The following FAM151B variants were observed in gnomAD, a reference collection of about 807,000 sequenced individuals.
The protein encoded by FAM151B is family with sequence similarity 151 member B.
In FAM151B, 24 loss-of-function variants were observed where a neutral mutation model predicts 31.2. The ratio of observed to expected loss-of-function variants is 0.77; its 90% CI spans 0.56 to 1.08. The LOEUF (loss-of-function observed/expected upper bound fraction) is 1.08, where lower values mean the gene tolerates loss of function less well. FAM151B is among the 50% of genes least tolerant of loss of function. The pLI is 0.00. For synonymous variants in FAM151B, 105 were observed against 111.4 expected (o/e 0.94, Z 0.36); for missense variants, 293 against 328.6 (o/e 0.89, Z 0.84).
intron 1 of FAM151B, among the ~76,000 whole-genome samples, chr5:80,498,130 C>T (rs1436850419): frequency 6.6e-6 from 1 of 152,164 alleles, no homozygotes; most frequent in African/African-American, 2.4e-5. Context: ...AATTATTTTC[C>T]TATTGTTGGA....
intron 4 of FAM151B, among the ~76,000 whole-genome samples, chr5:80,520,667 C>CAT (rs950346219): frequency 5.1e-4 from 71 of 139,716 alleles, no homozygotes; most frequent in Middle Eastern, 3.6e-3. Context: ...AAAGTGTGTG[C>CAT]ATATATATAT....
At chr5:80,505,878 T>G (rs1743938621) in intron 2 of FAM151B, 1 of 149,748 alleles carries the variant, frequency 6.7e-6, no homozygotes, top group African/African-American at 2.5e-5. Context: ...TGCTTCAGCC[T>G]CCCGAGTAGC....
At chr5:80,491,363 A>T (rs1189247514) in intron 1 of FAM151B, among the ~76,000 whole-genome samples, 1 of 152,074 alleles carries the variant, frequency 6.6e-6, no homozygotes, top group Non-Finnish European at 1.5e-5. Context: ...CTACAGGCAC[A>T]CACCACCATG....
At chr5:80,511,615 T>A (rs74637163) in intron 2 of FAM151B, among the ~76,000 whole-genome samples, 27,884 of 151,212 alleles carry the variant, frequency 0.18, 3,210 homozygotes, top group Non-Finnish European at 0.26. Flanking sequence ...TTAAAAAAAA[T>A]TTTTTTTTGA....
chr5:80,531,301 C>T (rs2112663711), intron 5 of FAM151B, among the ~76,000 whole-genome samples: 1 of 152,310 alleles, frequency 6.6e-6, no homozygotes, highest in South Asian at 2.1e-4. Flanking sequence ...AAAACCTAGG[C>T]AATACCATTA....
At chr5:80,515,236 G>C (rs1042599398) in intron 3 of FAM151B, among the ~76,000 whole-genome samples, 3 of 149,708 alleles carry the variant, frequency 2.0e-5, no homozygotes, top group African/African-American at 7.5e-5. Context: ...GCAAAACTCT[G>C]TCTCAAAAAA....
At chr5:80,529,434 G>T (rs529440475) in intron 5 of FAM151B, among the ~76,000 whole-genome samples, 8,625 of 151,796 alleles carry the variant, frequency 0.057, 293 homozygotes, top group Middle Eastern at 0.078. Flanking sequence ...CTTCAAAAAA[G>T]CAATGAATCC....
chr5:80,517,800 G>C (rs115565697), intron 3 of FAM151B, among the ~76,000 whole-genome samples: 1 of 152,088 alleles, frequency 6.6e-6, no homozygotes, highest in African/African-American at 2.4e-5. Context: ...GGCCAGGTGC[G>C]GTGGCTCATG....
chr5:80,493,264 A>G (rs1041340971), intron 1 of FAM151B, among the ~76,000 whole-genome samples: 1 of 152,362 alleles, frequency 6.6e-6, no homozygotes, highest in East Asian at 1.9e-4. Flanking sequence ...ATACGCTTAT[A>G]ATTTCTTATG....
intron 1 of FAM151B, 126 bp from the exon 2 acceptor site, chr5:80,501,666 A>G (rs1743752950): frequency 5.0e-6 from 3 of 601,512 alleles, no homozygotes; most frequent in African/African-American, 1.9e-5. Flanking sequence ...CTATCTATCT[A>G]TCTATCTATA....
chr5:80,536,160 AGTTTTGTTTTGTTTT>A (rs530043440), intron 5 of FAM151B, among the ~76,000 whole-genome samples: 1 of 141,858 alleles, frequency 7.0e-6, no homozygotes, highest in Admixed American at 7.0e-5. Flanking sequence ...AGTTTAGTTT[AGTTTTGTTTTGTTTT>A]GTTTTGTTTT....
intron 5 of FAM151B, among the ~76,000 whole-genome samples, chr5:80,523,272 G>C (rs981813348): frequency 6.6e-6 from 1 of 152,192 alleles, no homozygotes; most frequent in African/African-American, 2.4e-5. Flanking sequence ...GACCCCCAAT[G>C]TGTATGTCAG....
At position 80,515,867 on chromosome 5, in the gene FAM151B, G is replaced by A. The variant is rs1282886918; in HGVS notation, c.317+2098G>A. ...TGAGGAGCCCGCTTGTCACGTAGTT[G>A]TTAGTGGAACTAGAGAGCTGTCAGC... On this transcript the variant is annotated intron_variant, in intron 3 of 5. Transcript: ENST00000282226. Among the ~76,000 whole-genome samples, 3 of 152,300 alleles carry A rather than the reference G, an allele frequency of 2.0e-5. No individual in the cohort carries two copies. The East Asian group carries it at 5.8e-4, about 29-fold the overall frequency.
chr5:80,496,370 T>G (rs959813051), intron 1 of FAM151B, among the ~76,000 whole-genome samples: 1 of 152,210 alleles, frequency 6.6e-6, no homozygotes, highest in Non-Finnish European at 1.5e-5. Context: ...ATAAAGTATT[T>G]TAAAATTAAG....
chr5:80,498,570 C>G, intron 1 of FAM151B: 1 of 1,077,692 alleles, frequency 9.3e-7, no homozygotes, highest in Admixed American at 1.7e-5. Flanking sequence ...AGTCAGACAA[C>G]ATTTGCCACA....
At chr5:80,493,962 A>G (rs1743409312) in intron 1 of FAM151B, among the ~76,000 whole-genome samples, 1 of 152,170 alleles carries the variant, frequency 6.6e-6, no homozygotes, top group African/African-American at 2.4e-5. Flanking sequence ...CGGGGTCATC[A>G]TCACGGTCCT....
chr5:80,523,264 C>T (rs1028004019), intron 5 of FAM151B, among the ~76,000 whole-genome samples: 1 of 152,080 alleles, frequency 6.6e-6, no homozygotes, highest in Admixed American at 6.6e-5. Flanking sequence ...AGTAAAAAGA[C>T]CCCCAATGTG....
intron 1 of FAM151B, among the ~76,000 whole-genome samples, chr5:80,494,451 C>CTTTCTTTCT (rs776271080): frequency 4.3e-5 from 2 of 46,648 alleles, no homozygotes; most frequent in African/African-American, 9.7e-5. Flanking sequence ...CTTTTTCTTT[C>CTTTCTTTCT]TTTCTTTTCT....
chr5:80,488,252 A>T lies in FAM151B; in HGVS notation c.25+104A>T, dbSNP rs972319440. ...GCTCCCGCGGTCTTCCTTGCTAGGG[A>T]CCTGGGAGCGCGCCGCGCAGAACCG... On this transcript the variant is annotated intron_variant, in intron 1 of 5. Coordinates refer to ENST00000282226, the MANE Select transcript of FAM151B (RefSeq NM_205548.3). 1.2e-5 allele frequency: 17 copies of T among 1,373,842 alleles called. No individual in the cohort carries two copies. The African/African-American group carries it at 2.1e-4, about 17-fold the overall frequency. The allele number at this position is 1,373,842 out of a possible 1,614,324, so 85.1% of individuals were successfully genotyped here.
Sources: allele counts gnomAD v4.1 joint callset (sites outside exome capture counted in the v4.1 genomes callset), GRCh38; gene constraint gnomAD v4.1.1; transcripts MANE v1.5; gene names NCBI Gene and HGNC (gene_info 2026-07-23, HGNC 2026-07-21).